The following EFCAB13 variants were observed in gnomAD, a reference collection of about 807,000 sequenced individuals.
The protein encoded by EFCAB13 is EF-hand calcium binding domain 13, also known as EF-hand calcium-binding domain-containing protein 13.
EFCAB13 carries 91 observed loss-of-function variants against 110.2 expected under a neutral mutation model. The ratio of observed to expected loss-of-function variants is 0.83; its 90% CI spans 0.70 to 0.98. The LOEUF is 0.98. Ranked by LOEUF, EFCAB13 falls within the 50% of genes least tolerant of loss-of-function variation. EFCAB13 has a pLI of 0.00. For missense variants in EFCAB13, 968 were observed against 1,119.4 expected, an observed-to-expected ratio of 0.86 and a Z score of 1.93; for synonymous variants, 323 against 369.9, an observed-to-expected ratio of 0.87 and a Z score of 1.45.
At chr17:47,435,259 G>T (rs1905191206) in intron 24 of EFCAB13, among the ~76,000 whole-genome samples, 1 of 151,952 alleles carries the variant, frequency 6.6e-6, no homozygotes, top group Non-Finnish European at 1.5e-5. Flanking sequence ...ATATACAAAT[G>T]GCCAACAAAC....
chr17:47,359,518 T>G (rs770754040), intron 9 of EFCAB13, among the ~76,000 whole-genome samples: 107 of 54,638 alleles, frequency 2.0e-3, no homozygotes, highest in Non-Finnish European at 4.3e-3. Flanking sequence ...GGGAATTGTG[T>G]TTTTTTTTTT....
chr17:47,347,179 A>G (rs2065421750), intron 8 of EFCAB13, among the ~76,000 whole-genome samples: 1 of 152,164 alleles, frequency 6.6e-6, no homozygotes, highest in Non-Finnish European at 1.5e-5. Flanking sequence ...AGGTAGGAGG[A>G]TTGTTTAAGC....
At position 47,440,947 on chromosome 17, in the gene EFCAB13, G is replaced by A. The variant is rs1905310986; in HGVS notation, c.*233G>A. ...CATATGGCAAAATTCACTCTTTTTA[G>A]GTATACAGTTCTTTGGATTCTTAAA... On this transcript the variant is annotated 3_prime_UTR_variant, in exon 25 of 25. Transcript: ENST00000331493. The A allele has an allele frequency of 3.1e-6, 1 of 320,104 alleles. No individual in the cohort carries two copies. Among genetic ancestry groups the A allele is most frequent in the South Asian group, 6.1e-5 (1 of 16,276 alleles). 19.8% of individuals were successfully genotyped at this position (320,104 alleles called of 1,614,324 possible).
chr17:47,439,352 T>A (rs980737080), intron 24 of EFCAB13, among the ~76,000 whole-genome samples: 1 of 151,822 alleles, frequency 6.6e-6, no homozygotes, highest in African/African-American at 2.4e-5. Flanking sequence ...AATTTTTGTA[T>A]TTTCAGTAGA....
chr17:47,376,860 G>A (rs1211268739), intron 12 of EFCAB13, among the ~76,000 whole-genome samples: 4 of 152,110 alleles, frequency 2.6e-5, no homozygotes, highest in African/African-American at 9.7e-5. Context: ...GAAGACTATT[G>A]ACTAGTTGTC....
At chr17:47,391,993 A>G (rs967015422) in intron 15 of EFCAB13, among the ~76,000 whole-genome samples, 4 of 152,124 alleles carry the variant, frequency 2.6e-5, no homozygotes, top group South Asian at 2.1e-4. Context: ...ACCATTTTTG[A>G]GTATCTGTGC....
In EFCAB13 at chr17:47,368,886, G is replaced by T. The variant is rs138392943; in HGVS notation, c.806-1551G>T. ...TACCGCAAGGCACACTTTCATTATTGCTGGGTTCTCAATGCAGGGGTCACT... is the reference window on the plus strand; with the variant it reads ...TACCGCAAGGCACACTTTCATTATTTCTGGGTTCTCAATGCAGGGGTCACT... On this transcript the variant is annotated intron_variant, in intron 10 of 24. Coordinates refer to ENST00000331493, the MANE Select transcript of EFCAB13 (RefSeq NM_152347.5). 6.4e-4 allele frequency among the ~76,000 whole-genome samples: 97 copies of T among 152,270 alleles called. No homozygotes were observed. The East Asian group carries it at 0.014, about 22-fold the overall frequency.
At chr17:47,380,678 T>A (rs933769924) in intron 14 of EFCAB13, among the ~76,000 whole-genome samples, 1 of 152,194 alleles carries the variant, frequency 6.6e-6, no homozygotes, top group African/African-American at 2.4e-5. Context: ...ATGGTTGAAT[T>A]AATTTACATT....
chr17:47,359,653 T>C (rs1034809386), intron 9 of EFCAB13, among the ~76,000 whole-genome samples: 1 of 151,618 alleles, frequency 6.6e-6, no homozygotes, highest in African/African-American at 2.4e-5. Context: ...ACTTTAAGTT[T>C]TAGGGTACAT....
intron 9 of EFCAB13, among the ~76,000 whole-genome samples, chr17:47,355,272 A>G (rs1316687065): frequency 6.6e-6 from 1 of 152,150 alleles, no homozygotes; most frequent in Non-Finnish European, 1.5e-5. Flanking sequence ...GTTTTCCTTT[A>G]TAGGTTACCT....
At position 47,403,923 on chromosome 17, in the gene EFCAB13, T is replaced by TG; in HGVS notation, c.2064dup (p.Ile689AspfsTer16). The TG allele has an allele frequency of 2.5e-6, 4 of 1,612,204 alleles. No homozygotes were observed. The highest frequency in any genetic ancestry group is 3.4e-6 in the Non-Finnish European group (4 of 1,178,986). On this transcript the variant is annotated frameshift_variant, in exon 19 of 25. Coordinates refer to ENST00000331493, the MANE Select transcript of EFCAB13 (RefSeq NM_152347.5). LOFTEE classifies it high-confidence loss of function. ...GCTGCTGATTTGCTGGAAGGTGACA[T>TG]GATAGCTGGGAAGAACTTGGAAGAC... is the stretch of plus-strand genomic sequence containing the variant.
intron 9 of EFCAB13, among the ~76,000 whole-genome samples, chr17:47,358,986 C>T (rs1232822228): frequency 6.6e-6 from 1 of 152,150 alleles, no homozygotes; most frequent in Non-Finnish European, 1.5e-5. Flanking sequence ...TTTTATGGAG[C>T]AGAGGGTTTC....
At chr17:47,329,833 A>G (rs1322766927) in intron 4 of EFCAB13, 2 of 152,032 alleles carry the variant, frequency 1.3e-5, no homozygotes, top group Non-Finnish European at 2.9e-5. Flanking sequence ...TCTCTTTAGG[A>G]ATCCTTTCAT....
At chr17:47,360,661 T>A (rs2065507575) in intron 9 of EFCAB13, among the ~76,000 whole-genome samples, 1 of 152,202 alleles carries the variant, frequency 6.6e-6, no homozygotes, top group African/African-American at 2.4e-5. Context: ...TGGCTTTTGT[T>A]GCCATTGCTT....
At chr17:47,394,164 C>T (rs974060640) in intron 16 of EFCAB13, 65 bp downstream of exon 16, 66 of 1,035,854 alleles carry the variant, frequency 6.4e-5, no homozygotes, top group South Asian at 6.0e-4. Flanking sequence ...TTTAGAAGAG[C>T]GTAAACACTC....
intron 23 of EFCAB13, among the ~76,000 whole-genome samples, chr17:47,427,488 G>T (rs955448287): frequency 1.3e-5 from 2 of 151,972 alleles, no homozygotes; most frequent in Admixed American, 1.3e-4. Context: ...GCTTCTTTAG[G>T]ATCCAATCTT....
intron 23 of EFCAB13, among the ~76,000 whole-genome samples, chr17:47,422,039 G>A (rs1021799263): frequency 2.2e-4 from 33 of 151,966 alleles, no homozygotes; most frequent in African/African-American, 7.0e-4. Context: ...GACCACAAAT[G>A]GGGAAAGCTT....
rs773845726 is a variant in EFCAB13, at chr17:47,374,493, T to G, written c.899T>G (p.Leu300Trp). The G allele has an allele frequency of 6.5e-7, 1 of 1,530,008 alleles. No homozygotes were observed. Among genetic ancestry groups the G allele is most frequent in the Non-Finnish European group, 8.8e-7 (1 of 1,142,326 alleles). The allele number at this position is 1,530,008 out of a possible 1,614,324, so 94.8% of individuals were successfully genotyped here. A position where few individuals can be genotyped will look rare whatever the true frequency, so the allele number is the denominator to read the frequency against. The change falls in exon 12 of 25, where the codon TTG becomes TGG. Residue 300 changes from leucine to tryptophan, a missense_variant. Leu to Trp is a moderately conservative substitution (Grantham distance 61, BLOSUM62 -2). Transcript: ENST00000331493. ...EDVSITEGSP[L>W]NEITSDRKLS... ...TTAGCAATTACAGAAGGATCACCTT[T>G]GAATGAAATTACTTCAGACAGAAAG... is the stretch of plus-strand genomic sequence containing the variant.
chr17:47,353,558 A>G (rs1279792952), intron 9 of EFCAB13, among the ~76,000 whole-genome samples: 1 of 152,152 alleles, frequency 6.6e-6, no homozygotes, highest in East Asian at 1.9e-4. Flanking sequence ...GGTCTCCCAA[A>G]GTGTTGGAAT....
Sources: gnomAD v4.1 joint callset for allele counts (sites outside exome capture counted in the v4.1 genomes callset) on GRCh38, gnomAD v4.1.1 for gene constraint, MANE v1.5 for transcripts, NCBI Gene and HGNC (gene_info 2026-07-23, HGNC 2026-07-21) for gene names.